The following CCSER1 variants were observed in gnomAD, a reference collection of about 807,000 sequenced individuals.
CCSER1 encodes the protein serine-rich coiled-coil domain-containing protein 1.
Under a neutral mutation model 82.0 loss-of-function variants are expected in CCSER1, and 41 were observed. The ratio of observed to expected loss-of-function variants is 0.50; its 90% CI spans 0.39 to 0.65. The LOEUF (loss-of-function observed/expected upper bound fraction) is 0.65, where lower values mean the gene tolerates loss of function less well. CCSER1 is among the 30% of genes least tolerant of loss of function. CCSER1 has a pLI of 0.00. For missense variants in CCSER1, 1,119 were observed against 1,064.2 expected (o/e 1.05, Z -0.72); for synonymous variants, 414 against 383.9 (o/e 1.08, Z -0.92).
At chr4:90,127,864 G>A (rs183415155) in intron 1 of CCSER1, 33 bp downstream of exon 1, 1 of 152,188 alleles carries the variant, frequency 6.6e-6, no homozygotes, top group African/African-American at 2.4e-5. Flanking sequence ...AGCGCTCAGC[G>A]GGTCGCGCGT....
intron 10 of CCSER1, among the ~76,000 whole-genome samples, chr4:91,236,508 A>G (rs1213601944): frequency 6.6e-6 from 1 of 152,134 alleles, no homozygotes; most frequent in East Asian, 1.9e-4. Flanking sequence ...AGAAAAAAAA[A>G]TTGGTAACTT....
intron 10 of CCSER1, among the ~76,000 whole-genome samples, chr4:91,088,542 G>A (rs1325990780): frequency 6.6e-6 from 1 of 152,118 alleles, no homozygotes; most frequent in Non-Finnish European, 1.5e-5. Flanking sequence ...GAAGGAAATA[G>A]AGATAGGTAA....
chr4:90,834,944 A>AT (rs940529664), intron 8 of CCSER1, among the ~76,000 whole-genome samples: 1 of 152,258 alleles, frequency 6.6e-6, no homozygotes, highest in African/African-American at 2.4e-5. Context: ...TTAACTTGAT[A>AT]TGCCACTTTT....
intron 8 of CCSER1, among the ~76,000 whole-genome samples, chr4:90,905,733 T>C (rs997693235): frequency 2.6e-5 from 4 of 152,110 alleles, no homozygotes; most frequent in African/African-American, 7.2e-5. Context: ...GAGAGCATTG[T>C]GTGCTGCTCT....
At chr4:91,589,435 G>A (rs140907566) in intron 10 of CCSER1, among the ~76,000 whole-genome samples, 84 of 151,946 alleles carry the variant, frequency 5.5e-4, no homozygotes, top group African/African-American at 1.9e-3. Flanking sequence ...TGGCTATAAA[G>A]TCTATGAATT....
At chr4:90,747,172 G>C (rs1001758227) in intron 7 of CCSER1, among the ~76,000 whole-genome samples, 3 of 152,066 alleles carry the variant, frequency 2.0e-5, no homozygotes, top group African/African-American at 7.2e-5. Flanking sequence ...ATTAGGTTGG[G>C]CATGTATTGA....
chr4:91,314,223 G>A (rs562606318), intron 10 of CCSER1, among the ~76,000 whole-genome samples: 16 of 151,854 alleles, frequency 1.1e-4, no homozygotes, highest in East Asian at 1.9e-4. Flanking sequence ...GTATCTTCTC[G>A]CCAAGTGTCT....
intron 10 of CCSER1, among the ~76,000 whole-genome samples, chr4:91,245,421 C>T (rs1739692012): frequency 6.6e-6 from 1 of 152,036 alleles, no homozygotes; most frequent in South Asian, 2.1e-4. Flanking sequence ...AAATAACGTA[C>T]AATGAAACTC....
At chr4:90,374,035 G>A (rs1197643295) in intron 3 of CCSER1, among the ~76,000 whole-genome samples, 1 of 152,188 alleles carries the variant, frequency 6.6e-6, no homozygotes, top group African/African-American at 2.4e-5. Flanking sequence ...CAGGAGTCTT[G>A]TGGCTTTTGC....
chr4:90,511,878 A>G (rs1439606317), intron 5 of CCSER1, among the ~76,000 whole-genome samples: 1 of 152,178 alleles, frequency 6.6e-6, no homozygotes, highest in Non-Finnish European at 1.5e-5. Context: ...CAAAGAGGTA[A>G]GCAAATATAT....
chr4:91,419,052 T>C (rs1753546592), intron 10 of CCSER1, among the ~76,000 whole-genome samples: 1 of 151,962 alleles, frequency 6.6e-6, no homozygotes, highest in South Asian at 2.1e-4. Context: ...CGATAACAAC[T>C]GTCAACAAAT....
At chr4:91,402,728 G>A (rs1180579677) in intron 10 of CCSER1, among the ~76,000 whole-genome samples, 1 of 151,894 alleles carries the variant, frequency 6.6e-6, no homozygotes, top group Non-Finnish European at 1.5e-5. Context: ...TATTTCTGAG[G>A]ACTCTGTTCT....
intron 10 of CCSER1, among the ~76,000 whole-genome samples, chr4:91,326,544 G>C (rs911490031): frequency 1.3e-5 from 2 of 152,156 alleles, no homozygotes; most frequent in African/African-American, 2.4e-5. Context: ...TGGGAACACA[G>C]AACCAAATCA....
intron 7 of CCSER1, among the ~76,000 whole-genome samples, chr4:90,788,333 G>A (rs1869539): frequency 0.53 from 80,532 of 151,896 alleles, 21,939 homozygotes; most frequent in African/African-American, 0.65. Flanking sequence ...AGTTTCCTAA[G>A]GCTGTCAAAA....
At chr4:90,945,141 G>A (rs992676629) in intron 9 of CCSER1, among the ~76,000 whole-genome samples, 7 of 151,838 alleles carry the variant, frequency 4.6e-5, no homozygotes, top group Non-Finnish European at 8.8e-5. Context: ...AAATTTTGAA[G>A]GACAAAGAAT....
intron 10 of CCSER1, among the ~76,000 whole-genome samples, chr4:91,198,810 T>TTAA (rs1247795074): frequency 9.2e-5 from 14 of 152,286 alleles, no homozygotes; most frequent in African/African-American, 3.4e-4. Context: ...TAGCCTGAGT[T>TTAA]TAAGCAAAAG....
intron 9 of CCSER1, among the ~76,000 whole-genome samples, chr4:90,947,807 A>C (rs891346824): frequency 7.2e-5 from 11 of 152,152 alleles, no homozygotes; most frequent in African/African-American, 2.7e-4. Flanking sequence ...TGTGTGAACA[A>C]AAATGACTTT....
chr4:91,004,221 A>G (rs888773022), intron 9 of CCSER1, among the ~76,000 whole-genome samples: 2 of 152,084 alleles, frequency 1.3e-5, no homozygotes, highest in African/African-American at 2.4e-5. Context: ...ATGAGCTGCA[A>G]TCTAGTCTTG....
chr4:90,568,353 G>A (rs971827260), intron 5 of CCSER1, among the ~76,000 whole-genome samples: 1 of 152,052 alleles, frequency 6.6e-6, no homozygotes, highest in African/African-American at 2.4e-5. Flanking sequence ...TATGCTGTTG[G>A]GTGCATATAT....
Sources: gnomAD v4.1 joint callset for allele counts (sites outside exome capture counted in the v4.1 genomes callset) on GRCh38, gnomAD v4.1.1 for gene constraint, MANE v1.5 for transcripts, NCBI Gene and HGNC (gene_info 2026-07-23, HGNC 2026-07-21) for gene names.